Variants in SETBP1 observed in about 807,000 individuals in gnomAD.
SETBP1 encodes the protein SET-binding protein.
SETBP1 carries 9 observed loss-of-function variants against 101.0 expected under a neutral mutation model. That is an observed-to-expected ratio of 0.09 (90% CI 0.05 to 0.16). The LOEUF is 0.16. SETBP1 is among the 10% of genes least tolerant of loss of function. The pLI is 1.00. For synonymous variants in SETBP1, 818 were observed against 788.5 expected, an observed-to-expected ratio of 1.04 and a Z score of -0.63; for missense variants, 1,858 against 2,033.8, an observed-to-expected ratio of 0.91 and a Z score of 1.66.
rs1334401965 is a variant in SETBP1, at chr18:44,745,378, GC to G, written c.486+43547del. ...GTGGAAAAACGCTGCGGGGCTAGGG[GC>G]TGATGACCAAGATCGCAGCCTCAGT... On this transcript the variant is annotated intron_variant, in intron 2 of 5. Transcript: ENST00000649279. Among the ~76,000 whole-genome samples, 11 of 152,262 alleles carry G rather than the reference GC, an allele frequency of 7.2e-5. No individual in the cohort carries two copies. In the East Asian group the frequency reaches 1.9e-3, roughly 27 times the overall value.
rs1555705874 is a variant in SETBP1 at position 44,950,048 on chromosome 18, C to A, written c.708C>A (p.Phe236Leu). ...GCGGACCCGTCACTCAGAATTGCTTCATCAGTCCAGAGTCTGGCAGAGAAA... is the reference window on the plus strand; with the variant it reads ...GCGGACCCGTCACTCAGAATTGCTTAATCAGTCCAGAGTCTGGCAGAGAAA... ...SDSGPVTQNC[F>L]ISPESGRETA... is the part of the protein sequence containing the mutation. Residue 236 changes from phenylalanine to leucine, a missense_variant, in exon 4 of 6, where the codon TTC becomes TTA. Coordinates refer to ENST00000649279, the MANE Select transcript of SETBP1 (RefSeq NM_015559.3). The A allele has an allele frequency of 1.8e-5, 29 of 1,614,230 alleles. No individual in the cohort carries two copies. Among genetic ancestry groups the A allele is most frequent in the Non-Finnish European group, 2.5e-5 (29 of 1,180,034 alleles).
At chr18:44,686,124 G>A (rs770019323) in intron 1 of SETBP1, among the ~76,000 whole-genome samples, 8 of 152,228 alleles carry the variant, frequency 5.3e-5, no homozygotes, top group South Asian at 2.1e-4. Context: ...TAATAGCAGC[G>A]TTGCCGCTGT....
At chr18:45,058,754 G>T (rs1430283238) in intron 5 of SETBP1, among the ~76,000 whole-genome samples, 1 of 152,214 alleles carries the variant, frequency 6.6e-6, no homozygotes, top group Non-Finnish European at 1.5e-5. Flanking sequence ...ATTATAATGT[G>T]CAAAAGAACG....
intron 2 of SETBP1, among the ~76,000 whole-genome samples, chr18:44,807,526 G>A (rs531895322): frequency 3.9e-5 from 6 of 152,114 alleles, no homozygotes; most frequent in Admixed American, 6.6e-5. Context: ...AGAGTACTTA[G>A]CAGTTTCACT....
chr18:45,018,847 A>C (rs527803930), intron 4 of SETBP1, among the ~76,000 whole-genome samples: 1 of 152,220 alleles, frequency 6.6e-6, no homozygotes, highest in Non-Finnish European at 1.5e-5. Context: ...GCATAGGCTC[A>C]TGCTCCCTGC....
intron 1 of SETBP1, among the ~76,000 whole-genome samples, chr18:44,685,080 C>T (rs2054303199): frequency 6.6e-6 from 1 of 152,116 alleles, no homozygotes; most frequent in Non-Finnish European, 1.5e-5. Flanking sequence ...GAGGTAGCTG[C>T]CACCCCCTCC....
At chr18:44,989,327 A>G (rs1032339147) in intron 4 of SETBP1, 1 of 152,202 alleles carries the variant, frequency 6.6e-6, no homozygotes, top group Admixed American at 6.5e-5. Context: ...TAGAAACACA[A>G]TGATGGATGA....
chr18:44,998,019 T>C (rs1050386464), intron 4 of SETBP1, among the ~76,000 whole-genome samples: 1 of 152,190 alleles, frequency 6.6e-6, no homozygotes, highest in Non-Finnish European at 1.5e-5. Flanking sequence ...ACTTGGATCA[T>C]GTTAATTAGC....
rs138315352 is a variant in SETBP1, at chr18:44,958,843, G to A, written c.4000+5503G>A. ...GGAAATGATCTTTGTGGGCTCTGAT[G>A]GAAGTCATTTTTTTTTCCTTTCCTG... On this transcript the variant is annotated intron_variant, in intron 4 of 5. Coordinates refer to ENST00000649279, the MANE Select transcript of SETBP1 (RefSeq NM_015559.3). 9.9e-5 allele frequency among the ~76,000 whole-genome samples: 15 copies of A among 152,238 alleles called. No homozygotes were observed. The East Asian group carries it at 2.9e-3, about 29-fold the overall frequency.
intron 2 of SETBP1, 22 bp from the exon 3 acceptor site, chr18:44,869,208 A>G: frequency 6.2e-7 from 1 of 1,613,400 alleles, no homozygotes. Context: ...GTCACTGAGA[A>G]AATTTCTTTA....
At chr18:44,940,530 T>G (rs1440638090) in intron 3 of SETBP1, among the ~76,000 whole-genome samples, 1 of 152,164 alleles carries the variant, frequency 6.6e-6, no homozygotes, top group African/African-American at 2.4e-5. Context: ...ATATGCAACT[T>G]TTTTTAATAC....
chr18:45,058,613 G>A (rs7230074), intron 5 of SETBP1, among the ~76,000 whole-genome samples: 146,609 of 152,304 alleles, frequency 0.96, 70,601 homozygotes, highest in East Asian at 1. Flanking sequence ...ACACGGAATC[G>A]TTTCTACTGT....
intron 4 of SETBP1, among the ~76,000 whole-genome samples, chr18:44,972,666 G>T (rs1291228712): frequency 2.0e-5 from 3 of 152,246 alleles, no homozygotes; most frequent in South Asian, 2.1e-4. Context: ...CTCATGATTT[G>T]GCTCTCTGTT....
chr18:44,778,498 C>G (rs1279585946), intron 2 of SETBP1, among the ~76,000 whole-genome samples: 1 of 152,186 alleles, frequency 6.6e-6, no homozygotes, highest in Non-Finnish European at 1.5e-5. Context: ...TGATTTTTAT[C>G]ATCTGATTTT....
At chr18:44,980,865 C>T (rs552980339) in intron 4 of SETBP1, among the ~76,000 whole-genome samples, 27 of 152,316 alleles carry the variant, frequency 1.8e-4, no homozygotes, top group African/African-American at 6.3e-4. Flanking sequence ...AAATATGGGT[C>T]TTCTAGACCT....
At chr18:44,937,454 C>CA (rs34414710) in intron 3 of SETBP1, among the ~76,000 whole-genome samples, 12,262 of 83,028 alleles carry the variant, frequency 0.15, 913 homozygotes, top group East Asian at 0.29. Context: ...GACTCCGTCT[C>CA]AAAAAAAAAA....
intron 5 of SETBP1, among the ~76,000 whole-genome samples, chr18:45,053,765 A>AT (rs35053058): frequency 0.29 from 43,846 of 151,630 alleles, 7,036 homozygotes; most frequent in Non-Finnish European, 0.37. Context: ...TCTTCCCTCT[A>AT]TTTTTTTTCA....
At chr18:44,740,840 T>A (rs1453428723) in intron 2 of SETBP1, among the ~76,000 whole-genome samples, 1 of 152,204 alleles carries the variant, frequency 6.6e-6, no homozygotes, top group Non-Finnish European at 1.5e-5. Flanking sequence ...GTGTTTTGTC[T>A]GAAGTGATGA....
intron 3 of SETBP1, among the ~76,000 whole-genome samples, chr18:44,889,643 C>A (rs1205212371): frequency 6.6e-6 from 1 of 152,134 alleles, no homozygotes; most frequent in Non-Finnish European, 1.5e-5. Context: ...CATTCTGCTG[C>A]AGAAGTCTTA....
Sources: allele counts gnomAD v4.1 joint callset (sites outside exome capture counted in the v4.1 genomes callset), GRCh38; gene constraint gnomAD v4.1.1; transcripts MANE v1.5; gene names NCBI Gene and HGNC (gene_info 2026-07-23, HGNC 2026-07-21).